The following SNX12 variants were observed in gnomAD, a reference collection of about 807,000 sequenced individuals.
SNX12 encodes sorting nexin 12.
For missense variants in SNX12, 62 were observed against 141.3 expected (o/e 0.44, Z 2.84); for synonymous variants, 47 against 56.0 (o/e 0.84, Z 0.71).
Position 71,059,269 on chromosome X carries a change from G to A in SNX12, c.*1747C>T, listed in dbSNP as rs2092122670. ...GGCTTGCTTCACAGTGGTTTAATAT[G>A]AACAGAGTTGAATATGACATTGTCT... On this transcript the variant is annotated 3_prime_UTR_variant, in exon 4 of 4. Coordinates refer to ENST00000374274, the MANE Select transcript of SNX12 (RefSeq NM_013346.4). 8.9e-6 allele frequency: 1 copy of A among 112,149 alleles called. No homozygotes were observed. The highest frequency in any genetic ancestry group is 1.9e-5 in the Non-Finnish European group (1 of 53,270). 9.2% of individuals were successfully genotyped at this position (112,149 alleles called of 1,213,427 possible).
chrX:71,071,653 CATTATATATAATTA>C (rs1457769973), upstream of SNX12, among the ~76,000 whole-genome samples: 2 of 27,780 alleles, frequency 7.2e-5, no homozygotes, highest in African/African-American at 3.8e-4. Context: ...ATATCTATAT[CATTATATATAATTA>C]TTTATATATA....
intron 1 of SNX12, among the ~76,000 whole-genome samples, chrX:71,066,069 A>C (rs1040392799): frequency 8.9e-6 from 1 of 112,460 alleles, no homozygotes; most frequent in African/African-American, 3.2e-5. Flanking sequence ...AGTGTTGTCA[A>C]GGAGACAGAA....
At chrX:71,072,075 C>T (rs534168324), upstream of SNX12, among the ~76,000 whole-genome samples, 6 of 110,158 alleles carry the variant, frequency 5.4e-5, no homozygotes, top group South Asian at 7.5e-4. Context: ...CTGGGCAACA[C>T]GGTGAAAACC....
upstream of SNX12, among the ~76,000 whole-genome samples, chrX:71,072,244 C>A (rs1352789378): frequency 1.0e-5 from 1 of 99,730 alleles, no homozygotes; most frequent in Non-Finnish European, 2.0e-5. Flanking sequence ...GGCAACAGAG[C>A]AAGACTCCAT....
chrX:71,073,266 C>T (rs958335429), upstream of SNX12: 1 of 111,813 alleles, frequency 8.9e-6, no homozygotes, highest in African/African-American at 3.3e-5. Context: ...TGCCCACAGG[C>T]AATACTGTAC....
chrX:71,063,123 T>C (rs2092138632), intron 1 of SNX12, among the ~76,000 whole-genome samples, 174 bp from the exon 2 acceptor site: 1 of 111,788 alleles, frequency 8.9e-6, no homozygotes. Context: ...TCCAACCTTA[T>C]CATAGCTGAT....
At chrX:71,064,793 A>T (rs2147698932) in intron 1 of SNX12, among the ~76,000 whole-genome samples, 1 of 113,288 alleles carries the variant, frequency 8.8e-6, no homozygotes, top group South Asian at 3.6e-4. Context: ...TGAATAAAAT[A>T]AACTAGTTAT....
chrX:71,064,980 A>G (rs2147699202), intron 1 of SNX12, among the ~76,000 whole-genome samples: 1 of 112,522 alleles, frequency 8.9e-6, no homozygotes, highest in South Asian at 3.6e-4. Context: ...TGTACATTAA[A>G]CTCCATCCAG....
chrX:71,066,052 GCTA>G (rs1338584394), intron 1 of SNX12, among the ~76,000 whole-genome samples: 3 of 111,717 alleles, frequency 2.7e-5, no homozygotes, highest in African/African-American at 9.8e-5. Flanking sequence ...CTAAAGTTTT[GCTA>G]CTAAGTGTTG....
At position 71,061,836 on chromosome X, in the gene SNX12, G is replaced by T; in HGVS notation, c.386+7C>A. On this transcript the variant is annotated splice_region_variant and intron_variant, in intron 3 of 3. Coordinates refer to ENST00000374274, the MANE Select transcript of SNX12 (RefSeq NM_013346.4). ...TAGCAAGTGGAGCCCCCAGGAACTT[G>T]GCTTACTTGTTAATAAACTGCTCGA... The T allele has an allele frequency of 8.3e-7, 1 of 1,205,581 alleles. No homozygotes were observed. The highest frequency in any genetic ancestry group is 1.8e-5 in the South Asian group (1 of 55,868).
Position 71,061,809 on chromosome X carries a change from A to T in SNX12, c.386+34T>A, listed in dbSNP as rs750534864. 36 of 1,185,648 alleles carry T rather than the reference A, an allele frequency of 3.0e-5. No individual in the cohort carries two copies. In the South Asian group the frequency reaches 6.4e-4, roughly 21 times the overall value. On this transcript the variant is annotated intron_variant, in intron 3 of 3. Coordinates refer to ENST00000374274, the MANE Select transcript of SNX12 (RefSeq NM_013346.4). ...CATATAGAAAGACTACGATGGCAAA[A>T]GTAGCAAGTGGAGCCCCCAGGAACT...
chrX:71,062,947 T>G lies in SNX12; in HGVS notation c.168A>C (p.Thr56=). Residue 56 remains threonine (T), a splice_region_variant and synonymous_variant, in exon 2 of 4, where the codon ACA becomes ACC. Coordinates refer to ENST00000374274, the MANE Select transcript of SNX12 (RefSeq NM_013346.4). ...CCTTTAGCTTGAAGATAGGTAGGTT[T>G]GTCTACATGGAAGGAAAAATTAAAG... ...RFTTYEVRMR[T]NLPIFKLKES... 1 of 1,176,241 alleles carries G rather than the reference T, an allele frequency of 8.5e-7. No individual in the cohort carries two copies. The highest frequency in any genetic ancestry group is 1.2e-6 in the Non-Finnish European group (1 of 865,029).
At chrX:71,073,303 T>C (rs776492274), upstream of SNX12, 1 of 112,016 alleles carries the variant, frequency 8.9e-6, no homozygotes, top group East Asian at 2.8e-4. Context: ...CCTATTCATC[T>C]TCCTGCCCGT....
At chrX:71,064,672 CCT>C (rs759242859) in intron 1 of SNX12, among the ~76,000 whole-genome samples, 46 of 112,804 alleles carry the variant, frequency 4.1e-4, no homozygotes, top group African/African-American at 1.4e-3. Context: ...ACACGAATCC[CCT>C]GACAGAAAAC....
rs921444862 is a variant in SNX12 at position 71,059,501 on chromosome X, G to A, written c.*1515C>T. Reference sequence around the variant, plus strand: ...AAGGGAGCAGAGCCTCTCATTAGGGGCTGCTTAGCCCCTGGCGCAGGCTCA... The same window carrying A: ...AAGGGAGCAGAGCCTCTCATTAGGGACTGCTTAGCCCCTGGCGCAGGCTCA... On this transcript the variant is annotated 3_prime_UTR_variant, in exon 4 of 4. Coordinates refer to ENST00000374274, the MANE Select transcript of SNX12 (RefSeq NM_013346.4). 5 of 112,114 alleles carry A rather than the reference G, an allele frequency of 4.5e-5. No homozygotes were observed. Among genetic ancestry groups the A allele is most frequent in the African/African-American group, 1.6e-4 (5 of 30,834 alleles). The allele number at this position is 112,114 out of a possible 1,213,427, so 9.2% of individuals were successfully genotyped here. A position where few individuals can be genotyped will look rare whatever the true frequency, so the allele number is the denominator to read the frequency against.
chrX:71,063,058 C>T (rs1487858221), intron 1 of SNX12, 109 bp from the exon 2 acceptor site: 2 of 512,849 alleles, frequency 3.9e-6, no homozygotes, highest in East Asian at 7.5e-5. Flanking sequence ...TCCTATGGAT[C>T]ATGCTCCTAT....
chrX:71,068,177 G>C lies in SNX12; in HGVS notation c.130C>G (p.Arg44Gly), dbSNP rs2092161686. 8.3e-7 allele frequency: 1 copy of C among 1,205,336 alleles called. No homozygotes were observed. The change falls in exon 1 of 4, where the codon CGC (arginine) becomes GGC (glycine). Residue 44 changes from arginine (R) to glycine (G), a missense_variant. Coordinates refer to ENST00000374274, the MANE Select transcript of SNX12 (RefSeq NM_013346.4). ...IFNPQTVGVG[R>G]ARFTTYEVRM... ...ACCTCATAGGTGGTGAAGCGCGCGC[G>C]TCCCACGCCCACCGTCTGAGGATTA...
At chrX:71,072,263 A>G (rs2092176055), upstream of SNX12, among the ~76,000 whole-genome samples, 1 of 104,783 alleles carries the variant, frequency 9.5e-6, no homozygotes, top group African/African-American at 3.5e-5. Context: ...ATCTTGGGGA[A>G]AAAAAAAAAA....
intron 1 of SNX12, among the ~76,000 whole-genome samples, chrX:71,066,375 C>T (rs1962213913): frequency 9.0e-6 from 1 of 110,844 alleles, no homozygotes; most frequent in African/African-American, 3.3e-5. Context: ...GGATCACTTG[C>T]GGTCAGCAGT....
Sources: gnomAD v4.1 joint callset for allele counts (sites outside exome capture counted in the v4.1 genomes callset) on GRCh38, gnomAD v4.1.1 for gene constraint, MANE v1.5 for transcripts, NCBI Gene and HGNC (gene_info 2026-07-23, HGNC 2026-07-21) for gene names.